The following TNK2 variants were observed in gnomAD, a reference collection of about 807,000 sequenced individuals.
TNK2 encodes the protein activated CDC42 kinase 1.
A neutral mutation model predicts 101.8 loss-of-function variants in TNK2; 83 were observed. That is an observed-to-expected ratio of 0.82 (90% CI 0.68 to 0.98). The LOEUF (loss-of-function observed/expected upper bound fraction) is 0.98, where lower values mean the gene tolerates loss of function less well. TNK2 is among the 50% of genes least tolerant of loss of function. The probability of loss-of-function intolerance (pLI) is 0.00; values close to 1 mark genes in which losing one functional copy is unlikely to be tolerated. For missense variants in TNK2, 1,665 were observed against 1,483.2 expected (o/e 1.12, Z -2.01); for synonymous variants, 804 against 633.0 (o/e 1.27, Z -4.06).
intron 1 of TNK2, chr3:195,895,454 C>G: frequency 7.0e-7 from 1 of 1,419,660 alleles, no homozygotes; most frequent in Non-Finnish European, 9.2e-7. Context: ...GTCTCAGCCC[C>G]CATAGCCTCA....
rs1750613802 is a variant in TNK2, at chr3:195,878,393, G to C, written c.1162-46C>G. ...TGGCCAACTCTGGGACTGACGCCTG[G>C]GTAGCCCCTCAGCTTGAACACCCCA... On this transcript the variant is annotated intron_variant, in intron 8 of 15. Transcript: ENST00000672887. This position sits in a 1 kb window ranked among gnomAD's most constrained non-coding sequence, Gnocchi z 4.7. The C allele has an allele frequency of 2.5e-6, 4 of 1,613,784 alleles. No individual in the cohort carries two copies. Among genetic ancestry groups the C allele is most frequent in the Admixed American group, 1.7e-5 (1 of 60,006 alleles).
Position 195,885,776 on chromosome 3 carries a change from G to T in TNK2, c.235-743C>A. On this transcript the variant is annotated intron_variant, in intron 3 of 15. Coordinates refer to ENST00000672887, the MANE Select transcript of TNK2 (RefSeq NM_001382273.1). The surrounding 1 kb of genome is among the most constrained non-coding windows in gnomAD (Gnocchi z 4.7). ...AAGAAAGGAGGCCATGAGGGTCAAA[G>T]CTGGCCACGTCGGTCTGACTCGGCC... The T allele has an allele frequency of 2.7e-6, 1 of 371,660 alleles. No individual in the cohort carries two copies. Among genetic ancestry groups the T allele is most frequent in the Non-Finnish European group, 5.1e-6 (1 of 194,940 alleles). 23.0% of individuals were successfully genotyped at this position (371,660 alleles called of 1,614,324 possible). A position where few individuals can be genotyped will look rare whatever the true frequency, so the allele number is the denominator to read the frequency against.
chr3:195,906,697 G>T (rs893852883), intron 1 of TNK2, among the ~76,000 whole-genome samples: 7 of 152,130 alleles, frequency 4.6e-5, no homozygotes, highest in African/African-American at 1.7e-4. Context: ...TATATACACA[G>T]GCCACAACTT....
chr3:195,884,847 G>GCACCACGCCAAAGGAAC lies in TNK2; in HGVS notation c.404_420dup (p.Arg141ValfsTer19). On this transcript the variant is annotated frameshift_variant, in exon 4 of 16. Coordinates refer to ENST00000672887, the MANE Select transcript of TNK2 (RefSeq NM_001382273.1). LOFTEE classifies it high-confidence loss of function. ...GAGGGCGCGTCCCACTCGCCCCTGC[G>GCACCACGCCAAAGGAAC]CACCACGCCAAAGGAACCATCACCC... 6.2e-7 allele frequency: 1 copy of GCACCACGCCAAAGGAAC among 1,612,956 alleles called. No homozygotes were observed. The highest frequency in any genetic ancestry group is 8.5e-7 in the Non-Finnish European group (1 of 1,179,904).
chr3:195,869,764 C>T (rs78596878), intron 11 of TNK2: 2 of 607,550 alleles, frequency 3.3e-6, no homozygotes, highest in African/African-American at 3.7e-5. Context: ...ATGGAGGAGG[C>T]CCCAGGCAGA....
rs760907638 is a variant in TNK2 at position 195,866,898 on chromosome 3, G to A, written c.3152C>T (p.Ala1051Val). 2 of 1,610,376 alleles carry A rather than the reference G, an allele frequency of 1.2e-6. No homozygotes were observed. Among genetic ancestry groups the A allele is most frequent in the African/African-American group, 1.3e-5 (1 of 74,892 alleles). Residue 1051 changes from alanine (A) to valine (V), a missense_variant, in exon 15 of 16, where the codon GCC becomes GTC. This residue lies in a region of TNK2 where 1,136 missense variants were observed against 894.9 expected (regional missense o/e 1.27). Coordinates refer to ENST00000672887, the MANE Select transcript of TNK2 (RefSeq NM_001382273.1). ...GCHLLGSWGP[A>V]HHKR Reference sequence around the variant, plus strand: ...TGTGGGGCTCACTCACTTGTGGTGGGCAGGGCCCCAGGAGCCCAGAAGGTG... The same window carrying A: ...TGTGGGGCTCACTCACTTGTGGTGGACAGGGCCCCAGGAGCCCAGAAGGTG...
At position 195,867,867 on chromosome 3, in the gene TNK2, C is replaced by T. The variant is rs1741959528; in HGVS notation, c.2431G>A (p.Val811Ile). 1.3e-6 allele frequency: 2 copies of T among 1,531,210 alleles called. No homozygotes were observed. The highest frequency in any genetic ancestry group is 1.7e-6 in the Non-Finnish European group (2 of 1,145,320). 94.9% of individuals were successfully genotyped at this position (1,531,210 alleles called of 1,614,324 possible). A position where few individuals can be genotyped will look rare whatever the true frequency, so the allele number is the denominator to read the frequency against. The change falls in exon 13 of 16, where the codon GTA becomes ATA. Residue 811 changes from valine (V) to isoleucine (I), a missense_variant. Transcript: ENST00000672887. ...GGCAGCGGGGAGCTGCCAGGTGGTA[C>T]CAGGGGGCTGGGTGTCCTCGAGCCT... ...PQGSRTPSPL[V>I]PPGSSPLPPR...
At chr3:195,902,630 C>A (rs61378818) in intron 1 of TNK2, among the ~76,000 whole-genome samples, 15,796 of 88,892 alleles carry the variant, frequency 0.18, 1,249 homozygotes, top group East Asian at 0.47. Flanking sequence ...AAAAAAAAAA[C>A]AAAAAAAAAC....
At chr3:195,904,262 T>TA (rs35186478) in intron 1 of TNK2, among the ~76,000 whole-genome samples, 13,401 of 125,230 alleles carry the variant, frequency 0.11, 1,117 homozygotes, top group African/African-American at 0.24. Context: ...ACCTTGTCTT[T>TA]AAAAAAAAAA....
chr3:195,883,309 C>A lies in TNK2; in HGVS notation c.457G>T (p.Val153Leu). The A allele has an allele frequency of 6.2e-7, 1 of 1,613,028 alleles. No homozygotes were observed. ...TTCAGGCACTTCACAGCCACACTCA[C>A]CTGCCCAGAGCGGGATTTGCAAGGA... ...GEWDAPSGKT[V>L]SVAVKCLKPD... Residue 153 changes from valine (V) to leucine (L), a missense_variant and splice_region_variant, in exon 5 of 16, where the codon GTG becomes TTG. Around this residue, in one of 3 missense-constraint regions of TNK2, gnomAD observed 490 missense variants for 522.5 expected, o/e 0.94. Coordinates refer to ENST00000672887, the MANE Select transcript of TNK2 (RefSeq NM_001382273.1).
Position 195,878,395 on chromosome 3 carries a change from T to C in TNK2, c.1162-48A>G. On this transcript the variant is annotated intron_variant, in intron 8 of 15. Transcript: ENST00000672887. This position sits in a 1 kb window ranked among gnomAD's most constrained non-coding sequence, Gnocchi z 4.7. ...GCCAACTCTGGGACTGACGCCTGGG[T>C]AGCCCCTCAGCTTGAACACCCCAGC... The C allele has an allele frequency of 6.2e-7, 1 of 1,613,854 alleles. No individual in the cohort carries two copies. Among genetic ancestry groups the C allele is most frequent in the Admixed American group, 1.7e-5 (1 of 60,020 alleles).
chr3:195,899,184 ACTC>A (rs1415556505), intron 1 of TNK2, among the ~76,000 whole-genome samples: 1 of 151,818 alleles, frequency 6.6e-6, no homozygotes, highest in Admixed American at 6.6e-5. Flanking sequence ...ACTCCCACAC[ACTC>A]CTCAAGATCC....
chr3:195,870,174 C>G lies in TNK2; in HGVS notation c.1483G>C (p.Asp495His), dbSNP rs1275695671. The change falls in exon 11 of 16, where the codon GAC (aspartate) becomes CAC (histidine). Residue 495 changes from aspartate to histidine, a missense_variant. Transcript: ENST00000672887. ...GTGCTCAGTTCCACGCTCAGGAGGT[C>G]GGGGGGGTCCATGGGGTTTCCCAGA... ...LYLGNPMDPPDLLSVELSTSR... is the reference protein window; with the variant it reads ...LYLGNPMDPPHLLSVELSTSR... 3 of 1,525,898 alleles carry G rather than the reference C, an allele frequency of 2.0e-6. No homozygotes were observed. The highest frequency in any genetic ancestry group is 2.7e-6 in the Non-Finnish European group (3 of 1,131,640). The allele number at this position is 1,525,898 out of a possible 1,614,324, so 94.5% of individuals were successfully genotyped here.
chr3:195,878,660 TC>T lies in TNK2; in HGVS notation c.1015-69del. ...CCAGCCCTTCACTTCCCGCCTTCCC[TC>T]CAGCCCATCCACAGCTGCAGCGGCT... On this transcript the variant is annotated intron_variant, in intron 7 of 15. Transcript: ENST00000672887. This position sits in a 1 kb window ranked among gnomAD's most constrained non-coding sequence, Gnocchi z 4.7. 1 of 1,561,422 alleles carries T rather than the reference TC, an allele frequency of 6.4e-7. No homozygotes were observed.
intron 5 of TNK2, 119 bp downstream of exon 5, chr3:195,883,038 T>C (rs1021257462): frequency 3.9e-6 from 5 of 1,266,728 alleles, no homozygotes; most frequent in Non-Finnish European, 3.3e-6. Flanking sequence ...CTCCATCAGG[T>C]TGGGGGACCA....
At chr3:195,865,720 A>T (rs73205788) in intron 15 of TNK2, among the ~76,000 whole-genome samples, 2,360 of 151,840 alleles carry the variant, frequency 0.016, 50 homozygotes, top group Admixed American at 0.063. Flanking sequence ...TATGGGACAG[A>T]CAGGTGACAG....
intron 1 of TNK2, chr3:195,908,067 C>T (rs755508463): frequency 6.6e-6 from 1 of 152,474 alleles, no homozygotes; most frequent in Non-Finnish European, 1.5e-5. Context: ...CTGTTAATCC[C>T]ACGCTGCCCT....
chr3:195,868,976 TG>T, intron 12 of TNK2: 1 of 509,378 alleles, frequency 2.0e-6, no homozygotes, highest in African/African-American at 2.0e-5. Context: ...CAAGCAACAC[TG>T]GCTCCTGCCT....
chr3:195,864,301 G>T, intron 15 of TNK2, 114 bp from the exon 16 acceptor site: 5 of 1,167,238 alleles, frequency 4.3e-6, no homozygotes, highest in Non-Finnish European at 6.3e-6. Flanking sequence ...GCAGTCCCCG[G>T]CAAGGACTGT....
Sources: gnomAD v4.1 joint callset for allele counts (sites outside exome capture counted in the v4.1 genomes callset) on GRCh38, gnomAD v4.1.1 for gene constraint, gnomAD v4.1.1 regional missense constraint, Gnocchi (gnomAD v3.1) non-coding constraint, MANE v1.5 for transcripts, NCBI Gene and HGNC (gene_info 2026-07-23, HGNC 2026-07-21) for gene names.